The following ARID2 variants were observed in gnomAD, a reference collection of about 807,000 sequenced individuals.
ARID2 encodes the protein AT-rich interaction domain 2, also known as AT-rich interactive domain-containing protein 2.
In ARID2, 32 loss-of-function variants were observed where a neutral mutation model predicts 184.6. That is an observed-to-expected ratio of 0.17 (90% CI 0.13 to 0.23). The LOEUF (loss-of-function observed/expected upper bound fraction) is 0.23. Among genes scored for constraint, ARID2 ranks in the 10% least tolerant of loss-of-function variants. The pLI is 1.00. For synonymous variants in ARID2, 836 were observed against 772.6 expected, an observed-to-expected ratio of 1.08 and a Z score of -1.36; for missense variants, 1,696 against 2,197.6, an observed-to-expected ratio of 0.77 and a Z score of 4.56.
chr12:45,769,539 GA>G (rs1304252137), intron 3 of ARID2, among the ~76,000 whole-genome samples: 9 of 152,214 alleles, frequency 5.9e-5, no homozygotes, highest in African/African-American at 1.9e-4. Context: ...GAACCTCATA[GA>G]AATGTGGGAC....
chr12:45,792,610 G>A (rs973078904), intron 3 of ARID2, among the ~76,000 whole-genome samples: 37 of 152,206 alleles, frequency 2.4e-4, no homozygotes, highest in Middle Eastern at 3.4e-3. Context: ...ATTATTAAGA[G>A]AGATAGGTTT....
intron 16 of ARID2, among the ~76,000 whole-genome samples, chr12:45,862,395 T>C (rs1322119049): frequency 6.6e-6 from 1 of 152,230 alleles, no homozygotes. Flanking sequence ...ACCATCTCTT[T>C]CTTTTTAAGG....
At chr12:45,842,526 A>G (rs954394117) in intron 11 of ARID2, among the ~76,000 whole-genome samples, 10 of 152,068 alleles carry the variant, frequency 6.6e-5, no homozygotes, top group African/African-American at 1.4e-4. Context: ...TGGGAGGCCA[A>G]GGCGGGCAGA....
rs372808627 is a variant in ARID2 at position 45,854,310 on chromosome 12, G to A, written c.4773+1414G>A. ...ATAAAGTGCTTAATAAATGTAATGC[G>A]CTTGTATCACCCCAAAACCATCTCC... On this transcript the variant is annotated intron_variant, in intron 15 of 20. Transcript: ENST00000334344. Among the ~76,000 whole-genome samples the A allele has an allele frequency of 6.6e-4, 101 of 152,164 alleles. No homozygotes were observed. The Middle Eastern group carries it at 0.027, about 41-fold the overall frequency.
chr12:45,734,028 T>C (rs965615108), intron 3 of ARID2, among the ~76,000 whole-genome samples: 1 of 152,090 alleles, frequency 6.6e-6, no homozygotes, highest in Non-Finnish European at 1.5e-5. Context: ...AAATTAAAAA[T>C]TAAAAAAAAG....
chr12:45,819,782 C>A (rs1942865529), intron 5 of ARID2, among the ~76,000 whole-genome samples: 1 of 151,166 alleles, frequency 6.6e-6, no homozygotes, highest in South Asian at 2.1e-4. Context: ...CTTGCTCTGT[C>A]CCCTAGGCTG....
intron 6 of ARID2, among the ~76,000 whole-genome samples, chr12:45,826,488 G>A (rs893958206): frequency 6.6e-6 from 1 of 151,946 alleles, no homozygotes; most frequent in African/African-American, 2.4e-5. Context: ...TGGTGCCATT[G>A]TAGTTCATTG....
At chr12:45,768,480 C>G (rs1391997251) in intron 3 of ARID2, among the ~76,000 whole-genome samples, 1 of 152,164 alleles carries the variant, frequency 6.6e-6, no homozygotes, top group Non-Finnish European at 1.5e-5. Flanking sequence ...CACCATTGTT[C>G]CCCAGCTCCA....
At chr12:45,832,801 G>A (rs1343947052) in intron 6 of ARID2, among the ~76,000 whole-genome samples, 1 of 152,176 alleles carries the variant, frequency 6.6e-6, no homozygotes, top group African/African-American at 2.4e-5. Flanking sequence ...AGAAGACAGT[G>A]CAACAACTAT....
intron 3 of ARID2, among the ~76,000 whole-genome samples, chr12:45,804,412 A>G (rs1190062973): frequency 1.3e-5 from 2 of 151,976 alleles, no homozygotes; most frequent in Admixed American, 6.6e-5. Context: ...GACTTCCACA[A>G]TAAAATCTTA....
Position 45,905,489 on chromosome 12 carries a change from A to G in ARID2, c.*411A>G, listed in dbSNP as rs1944512495. ...TATATCCAAAAAGGAGCACATTTTTATATTTACAAAACCGTTTAAGCTGGT... is the reference window on the plus strand; with the variant it reads ...TATATCCAAAAAGGAGCACATTTTTGTATTTACAAAACCGTTTAAGCTGGT... On this transcript the variant is annotated 3_prime_UTR_variant, in exon 21 of 21. Transcript: ENST00000334344. The G allele has an allele frequency of 4.3e-6, 1 of 233,902 alleles. No individual in the cohort carries two copies. Among genetic ancestry groups the G allele is most frequent in the African/African-American group, 2.2e-5 (1 of 45,330 alleles). The allele number at this position is 233,902 out of a possible 1,614,324, so 14.5% of individuals were successfully genotyped here. A position where few individuals can be genotyped will look rare whatever the true frequency, so the allele number is the denominator to read the frequency against.
chr12:45,805,743 C>G (rs1024703034), intron 3 of ARID2, among the ~76,000 whole-genome samples: 5 of 152,062 alleles, frequency 3.3e-5, no homozygotes, highest in African/African-American at 1.2e-4. Flanking sequence ...CATCTATCAC[C>G]TTACCTAGTT....
At chr12:45,773,459 G>T (rs1414188387) in intron 3 of ARID2, among the ~76,000 whole-genome samples, 2 of 151,900 alleles carry the variant, frequency 1.3e-5, no homozygotes, top group Non-Finnish European at 2.9e-5. Flanking sequence ...CAAAAGCTGG[G>T]TCTTTGAAAA....
chr12:45,846,835 C>T (rs753245135), intron 11 of ARID2, 21 bp from the exon 12 acceptor site: 2 of 1,609,636 alleles, frequency 1.2e-6, no homozygotes, highest in Non-Finnish European at 1.7e-6. Context: ...AATGATGTAG[C>T]TAATGTATTT....
At chr12:45,871,596 A>G (rs1349872786) in intron 16 of ARID2, among the ~76,000 whole-genome samples, 2 of 152,124 alleles carry the variant, frequency 1.3e-5, no homozygotes, top group African/African-American at 2.4e-5. Flanking sequence ...TGATTTTGGT[A>G]ATAGGGTTAT....
intron 6 of ARID2, among the ~76,000 whole-genome samples, chr12:45,829,363 T>G (rs986617959): frequency 6.6e-6 from 1 of 152,104 alleles, no homozygotes; most frequent in Non-Finnish European, 1.5e-5. Context: ...CCTATTTTTA[T>G]GTGTAGCTCA....
intron 15 of ARID2, among the ~76,000 whole-genome samples, chr12:45,853,952 G>A (rs929897239): frequency 1.4e-4 from 22 of 152,326 alleles, no homozygotes; most frequent in East Asian, 3.9e-4. Flanking sequence ...CCACACAGCC[G>A]GAGGTGAGCG....
At chr12:45,896,101 A>G (rs1338256440) in intron 20 of ARID2, among the ~76,000 whole-genome samples, 1 of 152,194 alleles carries the variant, frequency 6.6e-6, no homozygotes, top group African/African-American at 2.4e-5. Flanking sequence ...GTTATGTGTG[A>G]GTGACACGAG....
chr12:45,742,021 A>G (rs1254491731), intron 3 of ARID2, among the ~76,000 whole-genome samples: 1 of 152,144 alleles, frequency 6.6e-6, no homozygotes, highest in East Asian at 1.9e-4. Context: ...TAAGAATCCT[A>G]GTTCTCTACA....
Sources: gnomAD v4.1 joint callset for allele counts (sites outside exome capture counted in the v4.1 genomes callset) on GRCh38, gnomAD v4.1.1 for gene constraint, MANE v1.5 for transcripts, NCBI Gene and HGNC (gene_info 2026-07-23, HGNC 2026-07-21) for gene names.